The following LRRC4C variants were observed in gnomAD, a reference collection of about 807,000 sequenced individuals.
LRRC4C encodes the protein leucine-rich repeat-containing protein 4C.
Under a neutral mutation model 33.6 loss-of-function variants are expected in LRRC4C, and 5 were observed. The observed-to-expected ratio is 0.15, with a 90% CI of 0.08 to 0.31. The LOEUF (loss-of-function observed/expected upper bound fraction) is 0.31, where lower values mean the gene tolerates loss of function less well. LRRC4C is among the 10% of genes least tolerant of loss of function. LRRC4C has a pLI of 1.00. For synonymous variants in LRRC4C, 329 were observed against 302.0 expected, an observed-to-expected ratio of 1.09 and a Z score of -0.93; for missense variants, 560 against 796.7, an observed-to-expected ratio of 0.70 and a Z score of 3.58.
chr11:41,449,803 A>G (rs1000338744), intron 1 of LRRC4C, among the ~76,000 whole-genome samples: 1 of 150,914 alleles, frequency 6.6e-6, no homozygotes, highest in African/African-American at 2.4e-5. Context: ...CGCTTCTTTA[A>G]GTAGATGTGG....
At chr11:41,179,183 C>A (rs977907049) in intron 1 of LRRC4C, among the ~76,000 whole-genome samples, 2 of 148,138 alleles carry the variant, frequency 1.4e-5, no homozygotes, top group Non-Finnish European at 3.0e-5. Flanking sequence ...ATCCTCAAGC[C>A]TCTTTTTTTT....
chr11:40,427,822 T>G (rs1950772612), intron 3 of LRRC4C, among the ~76,000 whole-genome samples: 1 of 151,978 alleles, frequency 6.6e-6, no homozygotes, highest in Non-Finnish European at 1.5e-5. Flanking sequence ...AGAGTGAGAC[T>G]GTCTTAAAAA....
intron 3 of LRRC4C, among the ~76,000 whole-genome samples, chr11:40,500,861 G>A (rs967463962): frequency 1.3e-5 from 2 of 152,076 alleles, no homozygotes; most frequent in South Asian, 4.1e-4. Context: ...ATTCACCTCA[G>A]CATTAACTCA....
At chr11:40,205,831 C>G (rs941390235) in intron 5 of LRRC4C, among the ~76,000 whole-genome samples, 6 of 152,156 alleles carry the variant, frequency 3.9e-5, no homozygotes, top group Non-Finnish European at 8.8e-5. Flanking sequence ...CCCTGAGAGG[C>G]CCGCTTGGTT....
At chr11:41,055,014 C>G (rs1474506308) in intron 1 of LRRC4C, among the ~76,000 whole-genome samples, 2 of 152,226 alleles carry the variant, frequency 1.3e-5, no homozygotes, top group African/African-American at 2.4e-5. Flanking sequence ...ACAAAGTGAA[C>G]ACTTCCGTGT....
At chr11:40,678,496 T>A (rs1944520895) in intron 2 of LRRC4C, among the ~76,000 whole-genome samples, 1 of 152,118 alleles carries the variant, frequency 6.6e-6, no homozygotes, top group African/African-American at 2.4e-5. Flanking sequence ...TATGATATGG[T>A]TTGGCTGTGT....
intron 4 of LRRC4C, among the ~76,000 whole-genome samples, chr11:40,254,681 A>G (rs1590830425): frequency 6.6e-6 from 1 of 152,208 alleles, no homozygotes; most frequent in Admixed American, 6.5e-5. Flanking sequence ...ATGAGTGCCT[A>G]CTATGTACCT....
chr11:41,244,006 C>T (rs1031299667), intron 1 of LRRC4C, among the ~76,000 whole-genome samples: 1 of 152,032 alleles, frequency 6.6e-6, no homozygotes, highest in African/African-American at 2.4e-5. Context: ...TCCAAATTTG[C>T]CTGTTTACCA....
chr11:40,412,283 A>G (rs1428951015), intron 3 of LRRC4C, among the ~76,000 whole-genome samples: 1 of 152,118 alleles, frequency 6.6e-6, no homozygotes, highest in Admixed American at 6.6e-5. Context: ...AATAGAAATT[A>G]CAAAAGGATG....
chr11:40,471,509 A>T (rs1952935161), intron 3 of LRRC4C, among the ~76,000 whole-genome samples: 1 of 152,174 alleles, frequency 6.6e-6, no homozygotes, highest in Non-Finnish European at 1.5e-5. Context: ...TAGCATCATA[A>T]TGACAGGATC....
chr11:41,137,011 G>A (rs1015742946), intron 1 of LRRC4C, among the ~76,000 whole-genome samples: 1 of 152,028 alleles, frequency 6.6e-6, no homozygotes, highest in Non-Finnish European at 1.5e-5. Flanking sequence ...ACTTTAGGAG[G>A]CCGAGGCAGG....
chr11:40,360,461 C>T (rs1246645882), intron 3 of LRRC4C, among the ~76,000 whole-genome samples: 2 of 152,156 alleles, frequency 1.3e-5, no homozygotes, highest in Admixed American at 6.5e-5. Context: ...CTGCTGCGTG[C>T]ACAGAAACAG....
intron 2 of LRRC4C, among the ~76,000 whole-genome samples, chr11:40,919,679 T>A (rs1957096176): frequency 1.3e-5 from 2 of 152,172 alleles, no homozygotes; most frequent in African/African-American, 4.8e-5. Flanking sequence ...TCAAGAATGA[T>A]GTTTGGAAAA....
chr11:40,687,154 G>A (rs1218985855), intron 2 of LRRC4C, among the ~76,000 whole-genome samples: 9 of 152,062 alleles, frequency 5.9e-5, no homozygotes, highest in African/African-American at 2.2e-4. Flanking sequence ...TCTCTCAAGT[G>A]CAACAGTTTG....
intron 1 of LRRC4C, among the ~76,000 whole-genome samples, chr11:41,108,021 T>A (rs1374128502): frequency 4.6e-5 from 7 of 150,564 alleles, no homozygotes; most frequent in Non-Finnish European, 1.0e-4. Context: ...GAGAGGAGAG[T>A]GCTCTCTAAA....
chr11:40,906,689 CCTCT>C (rs370871101), intron 2 of LRRC4C, among the ~76,000 whole-genome samples: 7 of 150,260 alleles, frequency 4.7e-5, no homozygotes, highest in South Asian at 2.1e-4. Context: ...AGTATGTTTC[CCTCT>C]CTCTCTCTCT....
At chr11:40,244,758 C>CTTAAAAAGAGAGAGCTCATACAT (rs1866198387) in intron 4 of LRRC4C, among the ~76,000 whole-genome samples, 1 of 151,576 alleles carries the variant, frequency 6.6e-6, no homozygotes. Flanking sequence ...CTGAAGTACA[C>CTTAAAAAGAGAGAGCTCATACAT]GTTATGTAAA....
At chr11:40,496,886 A>G (rs1954489837) in intron 3 of LRRC4C, among the ~76,000 whole-genome samples, 1 of 152,146 alleles carries the variant, frequency 6.6e-6, no homozygotes, top group South Asian at 2.1e-4. Context: ...TTCCTAACCA[A>G]TTTCAGGATA....
At chr11:40,154,821 C>A (rs1055535651) in intron 5 of LRRC4C, among the ~76,000 whole-genome samples, 3 of 152,114 alleles carry the variant, frequency 2.0e-5, no homozygotes, top group African/African-American at 4.8e-5. Context: ...AACAAACAAA[C>A]AATGGATTTA....
Sources: allele counts gnomAD v4.1 joint callset (sites outside exome capture counted in the v4.1 genomes callset), GRCh38; gene constraint gnomAD v4.1.1; transcripts MANE v1.5; gene names NCBI Gene and HGNC (gene_info 2026-07-23, HGNC 2026-07-21).